PARD3B: variants seen among roughly 807,000 people sequenced by gnomAD.
PARD3B encodes the protein par-3 family cell polarity regulator beta, also known as partitioning defective 3 homolog B.
Under a neutral mutation model 130.2 loss-of-function variants are expected in PARD3B, and 103 were observed. That is an observed-to-expected ratio of 0.79 (90% confidence interval 0.67 to 0.93). The LOEUF is 0.93. PARD3B is among the 40% of genes least tolerant of loss of function. The pLI is 0.00. For synonymous variants in PARD3B, 583 were observed against 553.2 expected (o/e 1.05, Z -0.76); for missense variants, 1,609 against 1,499.2 (o/e 1.07, Z -1.21).
intron 2 of PARD3B, among the ~76,000 whole-genome samples, chr2:204,729,998 A>AACACACACACACAC (rs3036396): frequency 3.1e-4 from 44 of 141,462 alleles, no homozygotes; most frequent in African/African-American, 8.8e-4. Flanking sequence ...CACACACACA[A>AACACACACACACAC]ACACACACAC....
At chr2:204,862,745 C>A (rs2045261435) in intron 2 of PARD3B, among the ~76,000 whole-genome samples, 1 of 152,162 alleles carries the variant, frequency 6.6e-6, no homozygotes, top group Admixed American at 6.5e-5. Context: ...GCAGAACTTT[C>A]CCCTCAGTTT....
chr2:205,378,244 T>C (rs1474748678), intron 18 of PARD3B, among the ~76,000 whole-genome samples: 1 of 152,100 alleles, frequency 6.6e-6, no homozygotes, highest in African/African-American at 2.4e-5. Context: ...GAAGAGAGGA[T>C]GCATTGAAAT....
chr2:205,073,265 A>G (rs1008454422), intron 4 of PARD3B, among the ~76,000 whole-genome samples: 1 of 152,194 alleles, frequency 6.6e-6, no homozygotes, highest in Non-Finnish European at 1.5e-5. Flanking sequence ...GTTTTCCTGT[A>G]AATCAGGGTG....
rs1397880997 is a variant in PARD3B, at chr2:205,091,795, G to C, written c.505-12631G>C. Among the ~76,000 whole-genome samples, 3 of 152,106 alleles carry C rather than the reference G, an allele frequency of 2.0e-5. No individual in the cohort carries two copies. Among genetic ancestry groups the C allele is most frequent in the Non-Finnish European group, 4.4e-5 (3 of 67,998 alleles). ...GCCATTCATTAGTATCTTCTCTCCA[G>C]CTTCTGTGCTCCTTACTCCCCAGAA... On this transcript the variant is annotated intron_variant, in intron 4 of 22. Transcript: ENST00000406610. This position sits in a 1 kb window ranked among gnomAD's most constrained non-coding sequence, Gnocchi z 4.2.
intron 2 of PARD3B, among the ~76,000 whole-genome samples, chr2:204,720,122 T>C (rs2125317798): frequency 6.6e-6 from 1 of 152,300 alleles, no homozygotes; most frequent in African/African-American, 2.4e-5. Context: ...AGTAGATTAG[T>C]TGGTGTTTGG....
chr2:204,738,250 A>G (rs1375794138), intron 2 of PARD3B, among the ~76,000 whole-genome samples: 16 of 152,084 alleles, frequency 1.1e-4, no homozygotes, highest in Non-Finnish European at 1.5e-5. Flanking sequence ...TTCTTTTAGC[A>G]GTGTTTTGTA....
At chr2:204,566,915 G>T (rs1332744194) in intron 1 of PARD3B, among the ~76,000 whole-genome samples, 1 of 148,356 alleles carries the variant, frequency 6.7e-6, no homozygotes, top group Non-Finnish European at 1.5e-5. Flanking sequence ...GTCTCGCTCT[G>T]TTTCCCAGGC....
At chr2:205,279,137 T>A (rs1415644905) in intron 16 of PARD3B, among the ~76,000 whole-genome samples, 3 of 146,376 alleles carry the variant, frequency 2.0e-5, no homozygotes, top group African/African-American at 7.6e-5. Context: ...TTATACTAAA[T>A]TTTCCCCCCA....
At chr2:204,628,498 T>G (rs930551876) in intron 1 of PARD3B, among the ~76,000 whole-genome samples, 1 of 152,156 alleles carries the variant, frequency 6.6e-6, no homozygotes, top group Non-Finnish European at 1.5e-5. Flanking sequence ...TTTTTCTGCT[T>G]ATTTTCTTTT....
At chr2:204,883,898 C>T (rs187782592) in intron 2 of PARD3B, among the ~76,000 whole-genome samples, 99 of 151,916 alleles carry the variant, frequency 6.5e-4, no homozygotes, top group African/African-American at 2.2e-3. Flanking sequence ...CCACCATGCC[C>T]AGCTAATTTT....
chr2:205,236,365 A>G (rs1027827889), intron 15 of PARD3B, among the ~76,000 whole-genome samples: 1 of 152,084 alleles, frequency 6.6e-6, no homozygotes, highest in Admixed American at 6.6e-5. Context: ...CTCTGATACC[A>G]AAATCAGACA....
chr2:205,221,048 T>C (rs1403890957), intron 15 of PARD3B, among the ~76,000 whole-genome samples: 1 of 152,218 alleles, frequency 6.6e-6, no homozygotes, highest in Non-Finnish European at 1.5e-5. Context: ...GGGGCTATTA[T>C]AATAAGATTT....
At chr2:205,373,095 G>T (rs1205429651) in intron 18 of PARD3B, among the ~76,000 whole-genome samples, 1 of 152,128 alleles carries the variant, frequency 6.6e-6, no homozygotes, top group Non-Finnish European at 1.5e-5. Flanking sequence ...GAAATCCTTT[G>T]TCAGAGGGAC....
chr2:204,846,224 G>C (rs1299238987), intron 2 of PARD3B, among the ~76,000 whole-genome samples: 1 of 152,102 alleles, frequency 6.6e-6, no homozygotes, highest in East Asian at 1.9e-4. Context: ...GATAAGGAGT[G>C]ATAAGATAGA....
At chr2:205,471,689 A>T (rs1399491590) in intron 20 of PARD3B, among the ~76,000 whole-genome samples, 2 of 152,214 alleles carry the variant, frequency 1.3e-5, no homozygotes, top group East Asian at 1.9e-4. Context: ...AAACTAAAAA[A>T]CAGTAACCTG....
chr2:205,080,859 G>A lies in PARD3B; in HGVS notation c.505-23567G>A, dbSNP rs183337209. On this transcript the variant is annotated intron_variant, in intron 4 of 22. Coordinates refer to ENST00000406610, the MANE Select transcript of PARD3B (RefSeq NM_001302769.2). ...TGGTATAAAATTAGGTTTAATTTTC[G>A]TTTCCTTGAGGATTAAGGAGGTTGA... is the stretch of plus-strand genomic sequence containing the variant. Among the ~76,000 whole-genome samples, 16 of 152,036 alleles carry A rather than the reference G, an allele frequency of 1.1e-4. No homozygotes were observed. The South Asian group carries it at 2.1e-3, about 20-fold the overall frequency.
intron 3 of PARD3B, among the ~76,000 whole-genome samples, chr2:205,012,625 C>A (rs552605883): frequency 2.0e-4 from 30 of 152,174 alleles, no homozygotes; most frequent in Non-Finnish European, 4.1e-4. Flanking sequence ...TGGACTGTTG[C>A]TTAAAAGTAC....
rs2031233187 is a variant in PARD3B at position 204,560,418 on chromosome 2, G to A, written c.120+14299G>A. On this transcript the variant is annotated intron_variant, in intron 1 of 22. Coordinates refer to ENST00000406610, the MANE Select transcript of PARD3B (RefSeq NM_001302769.2). ...TTATAGATTTAACAGGCATAGAGGA[G>A]CATGGCAACAAATGGCATGGTATGA... Among the ~76,000 whole-genome samples the A allele has an allele frequency of 2.0e-5, 3 of 152,266 alleles. No homozygotes were observed. In the South Asian group the frequency reaches 6.2e-4, roughly 32 times the overall value.
intron 4 of PARD3B, among the ~76,000 whole-genome samples, chr2:205,054,423 T>TAC: frequency 4.7e-5 from 1 of 21,226 alleles, no homozygotes; most frequent in South Asian, 2.1e-3. Context: ...TATATATATA[T>TAC]ATATATATAT....
Sources: gnomAD v4.1 joint callset for allele counts (sites outside exome capture counted in the v4.1 genomes callset) on GRCh38, gnomAD v4.1.1 for gene constraint, Gnocchi (gnomAD v3.1) non-coding constraint, MANE v1.5 for transcripts, NCBI Gene and HGNC (gene_info 2026-07-23, HGNC 2026-07-21) for gene names.